Variants in DMRT1 observed in about 807,000 individuals in gnomAD.
The protein encoded by DMRT1 is doublesex- and mab-3-related transcription factor 1.
A neutral mutation model predicts 32.3 loss-of-function variants in DMRT1; 7 were observed. The ratio of observed to expected loss-of-function variants is 0.22; its 90% CI spans 0.12 to 0.41. The LOEUF (loss-of-function observed/expected upper bound fraction) is 0.41, where lower values mean the gene tolerates loss of function less well. Among genes scored for constraint, DMRT1 ranks in the 10% least tolerant of loss-of-function variants. DMRT1 has a pLI of 1.00. For synonymous variants in DMRT1, 278 were observed against 206.1 expected, an observed-to-expected ratio of 1.35 and a Z score of -2.99; for missense variants, 625 against 500.5, an observed-to-expected ratio of 1.25 and a Z score of -2.37.
chr9:871,986 A>T (rs1285371729), intron 2 of DMRT1, among the ~76,000 whole-genome samples: 1 of 151,392 alleles, frequency 6.6e-6, no homozygotes, highest in Non-Finnish European at 1.5e-5. Context: ...TTTCTGAGTA[A>T]ATAGGAAGCA....
intron 3 of DMRT1, chr9:895,085 G>A (rs1012368716): frequency 2.0e-5 from 3 of 152,268 alleles, no homozygotes; most frequent in East Asian, 1.9e-4. Context: ...AAAGTGCTGG[G>A]ATAACAGGCA....
At chr9:928,755 A>C (rs1370551974) in intron 4 of DMRT1, among the ~76,000 whole-genome samples, 2 of 152,226 alleles carry the variant, frequency 1.3e-5, no homozygotes, top group Non-Finnish European at 2.9e-5. Context: ...TAAGATGTAC[A>C]ACAACAAATG....
Position 842,236 on chromosome 9 carries a change from T to TC in DMRT1, c.354+44_354+45insC, listed in dbSNP as rs781310087. The TC allele has an allele frequency of 3.3e-4, 493 of 1,483,254 alleles. 3 individuals are homozygous for TC. The African/African-American group carries it at 6.9e-3, about 21-fold the overall frequency. 91.9% of individuals were successfully genotyped at this position (1,483,254 alleles called of 1,614,324 possible). ...GAGCCCGGGTTCAGCCTTAGTTTTT[T>TC]TTTTTTTTTTTTTTTTTAGATGGAG... On this transcript the variant is annotated intron_variant, in intron 1 of 4. Coordinates refer to ENST00000382276, the MANE Select transcript of DMRT1 (RefSeq NM_021951.3).
intron 4 of DMRT1, among the ~76,000 whole-genome samples, chr9:939,139 G>A (rs924646633): frequency 7.9e-5 from 12 of 152,314 alleles, no homozygotes; most frequent in South Asian, 2.1e-4. Flanking sequence ...TCGTTTACAC[G>A]ATTTAGTGGA....
At chr9:959,925 T>C (rs1217074331) in intron 4 of DMRT1, among the ~76,000 whole-genome samples, 2 of 152,232 alleles carry the variant, frequency 1.3e-5, no homozygotes, top group East Asian at 3.8e-4. Flanking sequence ...CTACATTCCA[T>C]TGTTTTTCTC....
chr9:894,841 T>A (rs1158727693), intron 3 of DMRT1: 1 of 157,398 alleles, frequency 6.4e-6, no homozygotes, highest in Non-Finnish European at 1.4e-5. Flanking sequence ...TGAGACAGAG[T>A]CTCGCTCTGT....
chr9:940,141 A>C (rs1262639658), intron 4 of DMRT1, among the ~76,000 whole-genome samples: 2 of 152,128 alleles, frequency 1.3e-5, no homozygotes, highest in African/African-American at 2.4e-5. Context: ...GACACTGTGG[A>C]AACCAGTTTG....
chr9:908,376 T>G (rs118189313), intron 3 of DMRT1, among the ~76,000 whole-genome samples: 2,470 of 152,266 alleles, frequency 0.016, 34 homozygotes, highest in Middle Eastern at 0.065. Context: ...GAGGATCACT[T>G]GAGCCCACGA....
At chr9:854,915 G>A (rs972779410) in intron 2 of DMRT1, among the ~76,000 whole-genome samples, 6 of 149,878 alleles carry the variant, frequency 4.0e-5, no homozygotes, top group Admixed American at 3.4e-4. Flanking sequence ...ACAGGCGCCC[G>A]CCGCCACGCC....
chr9:864,399 A>G (rs4740950), intron 2 of DMRT1, among the ~76,000 whole-genome samples: 67,337 of 151,150 alleles, frequency 0.45, 16,180 homozygotes, highest in Admixed American at 0.58. Flanking sequence ...CACCATGATG[A>G]CCAGGCTGGT....
chr9:853,255 C>T (rs1815239815), intron 2 of DMRT1, among the ~76,000 whole-genome samples: 1 of 152,034 alleles, frequency 6.6e-6, no homozygotes, highest in Non-Finnish European at 1.5e-5. Context: ...GCATCATTGT[C>T]ATCCAGAGTC....
chr9:928,296 TTC>T (rs1280240000), intron 4 of DMRT1, among the ~76,000 whole-genome samples: 1 of 152,194 alleles, frequency 6.6e-6, no homozygotes, highest in East Asian at 1.9e-4. Flanking sequence ...TATTTTAAAA[TTC>T]TCTGTTAAGT....
intron 4 of DMRT1, among the ~76,000 whole-genome samples, chr9:961,540 G>C (rs929789663): frequency 2.0e-5 from 3 of 152,156 alleles, no homozygotes; most frequent in South Asian, 4.1e-4. Flanking sequence ...TCTGGTGTTT[G>C]ATTTGATGCC....
chr9:926,367 A>T (rs983258626), intron 4 of DMRT1, among the ~76,000 whole-genome samples: 1 of 152,228 alleles, frequency 6.6e-6, no homozygotes, highest in East Asian at 1.9e-4. Flanking sequence ...CTTTGAAATC[A>T]TAAGTGCAAA....
chr9:860,618 T>C (rs1472668579), intron 2 of DMRT1, among the ~76,000 whole-genome samples: 1 of 152,164 alleles, frequency 6.6e-6, no homozygotes, highest in Non-Finnish European at 1.5e-5. Flanking sequence ...GGGAAGACAG[T>C]TGATAAACAA....
At chr9:866,129 A>T (rs1395574980) in intron 2 of DMRT1, among the ~76,000 whole-genome samples, 2 of 125,202 alleles carry the variant, frequency 1.6e-5, no homozygotes, top group African/African-American at 3.0e-5. Flanking sequence ...CTGCTACTGC[A>T]CTCCAGCCTG....
intron 2 of DMRT1, among the ~76,000 whole-genome samples, chr9:878,774 A>G (rs763698673): frequency 2.6e-5 from 4 of 152,204 alleles, no homozygotes; most frequent in Non-Finnish European, 5.9e-5. Context: ...TTTATTGAGC[A>G]CTCAACACGT....
rs1364325175 is a variant in DMRT1, at chr9:855,913, C to T, written c.538+8770C>T. 2.6e-5 allele frequency among the ~76,000 whole-genome samples: 4 copies of T among 150,986 alleles called. No individual in the cohort carries two copies. In the East Asian group the frequency reaches 7.7e-4, roughly 29 times the overall value. ...GGATTACAGGCATGAGGCAGCATGC[C>T]TGACCTCTGAATTTTTTTTTTGAGA... On this transcript the variant is annotated intron_variant, in intron 2 of 4. Transcript: ENST00000382276.
At chr9:843,638 A>G (rs1051199962) in intron 1 of DMRT1, among the ~76,000 whole-genome samples, 8 of 152,196 alleles carry the variant, frequency 5.3e-5, no homozygotes, top group African/African-American at 1.9e-4. Context: ...GAAGGCAGTA[A>G]TCCACGTTAT....
Sources: allele counts gnomAD v4.1 joint callset (sites outside exome capture counted in the v4.1 genomes callset), GRCh38; gene constraint gnomAD v4.1.1; transcripts MANE v1.5; gene names NCBI Gene and HGNC (gene_info 2026-07-23, HGNC 2026-07-21).